The following MARCO variants were observed in gnomAD, a reference collection of about 807,000 sequenced individuals.
MARCO encodes macrophage receptor MARCO.
Under a neutral mutation model 70.0 loss-of-function variants are expected in MARCO, and 72 were observed. That is an observed-to-expected ratio of 1.03 (90% CI 0.85 to 1.25). The LOEUF (loss-of-function observed/expected upper bound fraction) is 1.25. Ranked by LOEUF, MARCO falls within the 50% of genes most tolerant of loss-of-function variation. The pLI is 0.00. For synonymous variants in MARCO, 273 were observed against 243.1 expected, an observed-to-expected ratio of 1.12 and a Z score of -1.14; for missense variants, 696 against 659.3, an observed-to-expected ratio of 1.06 and a Z score of -0.61.
chr2:118,957,021 A>G (rs57077980), intron 1 of MARCO, among the ~76,000 whole-genome samples: 19,474 of 152,072 alleles, frequency 0.13, 1,370 homozygotes, highest in South Asian at 0.27. Context: ...TCATACTCCT[A>G]AAGATCTACA....
At chr2:118,986,644 AGAAAGAAAGAAGGAAG>A (rs1353855353) in intron 12 of MARCO, among the ~76,000 whole-genome samples, 1 of 43,124 alleles carries the variant, frequency 2.3e-5, no homozygotes, top group African/African-American at 1.7e-4. Context: ...AAAGAAAGAA[AGAAAGAAAGAAGGAAG>A]GAAGGAAGGA....
rs761296627 is a variant in MARCO at position 118,977,884 on chromosome 2, C to T, written c.715C>T (p.Pro239Ser). The T allele has an allele frequency of 1.1e-5, 18 of 1,612,556 alleles. No homozygotes were observed. Among genetic ancestry groups the T allele is most frequent in the Non-Finnish European group, 1.5e-5 (18 of 1,179,438 alleles). ...CAAAGGCGATGGGGGTCTCATTGGC[C>T]CAAAAGGGGAAACTGGAACTAAGGG... is the stretch of plus-strand genomic sequence containing the variant. Reference protein sequence around the residue: ...GSKGDGGLIGPKGETGTKGEK... With the variant: ...GSKGDGGLIGSKGETGTKGEK... The change falls in exon 8 of 17, where the codon CCA becomes TCA. Residue 239 changes from proline (P) to serine (S), a missense_variant. Physicochemically the swap from Pro to Ser is moderately conservative, Grantham distance 74 (BLOSUM62 -1). Around this residue, in one of 3 missense-constraint regions of MARCO, gnomAD observed 605 missense variants for 537.6 expected, o/e 1.13. Transcript: ENST00000327097.
chr2:118,986,571 AGGG>A, intron 12 of MARCO, among the ~76,000 whole-genome samples: 1 of 107,336 alleles, frequency 9.3e-6, no homozygotes, highest in African/African-American at 4.8e-5. Flanking sequence ...GGAGGGAGGG[AGGG>A]AGGGAAGGAA....
chr2:118,960,746 T>A (rs145864072), intron 1 of MARCO, among the ~76,000 whole-genome samples: 2 of 152,304 alleles, frequency 1.3e-5, no homozygotes, highest in African/African-American at 4.8e-5. Context: ...TTTATTTCTA[T>A]TTTAAGTTCC....
chr2:118,967,419 C>A lies in MARCO; in HGVS notation c.98-1741C>A, dbSNP rs554184116. ...TGCAGCCATAGGAGAGCTGGCCAGA[C>A]GGGCTTCAGGTGCCAGGTTGGGAGC... On this transcript the variant is annotated intron_variant, in intron 1 of 16. Transcript: ENST00000327097. 1.4e-3 allele frequency among the ~76,000 whole-genome samples: 217 copies of A among 152,164 alleles called. 1 individual carries two copies. Among genetic ancestry groups the A allele is most frequent in the African/African-American group, 5.0e-3 (208 of 41,516 alleles).
Position 118,981,479 on chromosome 2 carries a change from A to G in MARCO, c.837A>G (p.Lys279=). 1.2e-6 allele frequency: 2 copies of G among 1,600,332 alleles called. No individual in the cohort carries two copies. Among genetic ancestry groups the G allele is most frequent in the South Asian group, 2.3e-5 (2 of 88,212 alleles). ...GGCCTCCTGGAGCCCAGGGGAGTAA[A>G]GGTGACTTCGGGAGGCCAGGCCCAC... ...VMGPPGAQGS[K]GDFGRPGPPG... is the part of the protein sequence containing the mutation. Residue 279 remains lysine (K), a synonymous_variant, in exon 9 of 17, where the codon AAA becomes AAG. Coordinates refer to ENST00000327097, the MANE Select transcript of MARCO (RefSeq NM_006770.4).
At position 118,981,431 on chromosome 2, in the gene MARCO, G is replaced by A. The variant is rs761681020; in HGVS notation, c.789G>A (p.Met263Ile). 6.2e-6 allele frequency: 10 copies of A among 1,600,274 alleles called. No individual in the cohort carries two copies. The South Asian group carries it at 9.1e-5, about 15-fold the overall frequency. The change falls in exon 9 of 17, where the codon ATG (methionine) becomes ATA (isoleucine). Residue 263 changes from methionine (M) to isoleucine (I), a missense_variant. Physicochemically the swap from Met to Ile is conservative, Grantham distance 10. Coordinates refer to ENST00000327097, the MANE Select transcript of MARCO (RefSeq NM_006770.4). ...CAGGAAGCAAAGGGGACAGGGGCATGAAAGGAGATGCAGGGGTCATGGGGC... is the reference window on the plus strand; with the variant it reads ...CAGGAAGCAAAGGGGACAGGGGCATAAAAGGAGATGCAGGGGTCATGGGGC... ...GLPGSKGDRG[M>I]KGDAGVMGPP...
Position 118,970,292 on chromosome 2 carries a change from C to T in MARCO, c.378C>T (p.Ser126=), listed in dbSNP as rs1276335255. The T allele has an allele frequency of 2.5e-6, 4 of 1,613,926 alleles. No homozygotes were observed. Among genetic ancestry groups the T allele is most frequent in the East Asian group, 2.2e-5 (1 of 44,870 alleles). The change falls in exon 3 of 17, where the codon AGC becomes AGT. Residue 126 remains serine (S), a synonymous_variant. Transcript: ENST00000327097. ...CCCAACTCACCTGGGTCCGCGTCAG[C>T]CATGAGCACTTGCTGCAGCGGGTAG... ...LQAQLTWVRV[S]HEHLLQRVDN...
At chr2:118,959,775 C>G (rs190605697) in intron 1 of MARCO, among the ~76,000 whole-genome samples, 1 of 152,260 alleles carries the variant, frequency 6.6e-6, no homozygotes, top group South Asian at 2.1e-4. Context: ...TGATGGAATA[C>G]TACTCAGCCA....
At chr2:118,977,335 A>G (rs1404776046) in intron 6 of MARCO, 136 bp from the exon 7 acceptor site, 5 of 714,040 alleles carry the variant, frequency 7.0e-6, no homozygotes, top group Non-Finnish European at 1.3e-5. Flanking sequence ...AGAGAGAGAG[A>G]GTGAGAGTGA....
chr2:118,964,487 G>A (rs1680006346), intron 1 of MARCO, among the ~76,000 whole-genome samples: 1 of 151,930 alleles, frequency 6.6e-6, no homozygotes, highest in Non-Finnish European at 1.5e-5. Flanking sequence ...ATTTTTATTG[G>A]CAATATAATT....
chr2:118,951,901 C>A (rs528969841), intron 1 of MARCO, among the ~76,000 whole-genome samples: 3 of 151,948 alleles, frequency 2.0e-5, no homozygotes, highest in Non-Finnish European at 4.4e-5. Context: ...CTTTCTTCCT[C>A]TTTCTCTTTG....
chr2:118,962,590 A>T (rs993506833), intron 1 of MARCO, among the ~76,000 whole-genome samples: 1 of 151,832 alleles, frequency 6.6e-6, no homozygotes, highest in Non-Finnish European at 1.5e-5. Context: ...TTTTTACTGG[A>T]CTATCTTTGA....
At chr2:118,993,645 G>A (rs1193700662) in intron 16 of MARCO, among the ~76,000 whole-genome samples, 1 of 152,204 alleles carries the variant, frequency 6.6e-6, no homozygotes, top group Non-Finnish European at 1.5e-5. Flanking sequence ...AGAACAGAGA[G>A]AAGATTCAGG....
chr2:118,958,334 A>G (rs1188820803), intron 1 of MARCO, among the ~76,000 whole-genome samples: 3 of 152,016 alleles, frequency 2.0e-5, no homozygotes, highest in Non-Finnish European at 2.9e-5. Flanking sequence ...ATGCAAATCA[A>G]TAGCTCTTCC....
In MARCO at chr2:118,994,502, C is replaced by A. The variant is rs565487618; in HGVS notation, c.1545C>A (p.Gly515=). 2 of 1,603,842 alleles carry A rather than the reference C, an allele frequency of 1.2e-6. No individual in the cohort carries two copies. The highest frequency in any genetic ancestry group is 1.3e-5 in the African/African-American group (1 of 74,612). Residue 515 remains glycine, a synonymous_variant, in exon 17 of 17, where the codon GGC becomes GGA. Transcript: ENST00000327097. ...HHDCSHEEDA[G]VECSV Reference sequence around the variant, plus strand: ...ACTGCAGCCACGAGGAGGACGCAGGCGTGGAGTGCAGCGTCTGACCCGGAA... The same window carrying A: ...ACTGCAGCCACGAGGAGGACGCAGGAGTGGAGTGCAGCGTCTGACCCGGAA...
At chr2:118,972,859 G>C (rs1486173795) in intron 4 of MARCO, among the ~76,000 whole-genome samples, 1 of 152,156 alleles carries the variant, frequency 6.6e-6, no homozygotes. Context: ...AATGGGTTCA[G>C]TACAACCTTC....
Position 118,982,251 on chromosome 2 carries a change from G to A in MARCO, c.997G>A (p.Ala333Thr). The A allele has an allele frequency of 6.2e-7, 1 of 1,612,778 alleles. No homozygotes were observed. Among genetic ancestry groups the A allele is most frequent in the Non-Finnish European group, 8.5e-7 (1 of 1,178,972 alleles). ...TGGCAGTGCTGGCTCCCCTGGGCGA[G>A]CAGGTGAGGTCCTGGGTCCTATGGT... ...EPGSAGSPGR[A>T]GLPGSPGSPG... The change falls in exon 11 of 17, where the codon GCA becomes ACA. Residue 333 changes from alanine to threonine, a missense_variant. Physicochemically the swap from Ala to Thr is moderately conservative, Grantham distance 58. Around this residue, in one of 3 missense-constraint regions of MARCO, gnomAD observed 605 missense variants for 537.6 expected, o/e 1.13. Coordinates refer to ENST00000327097, the MANE Select transcript of MARCO (RefSeq NM_006770.4).
chr2:118,977,547 G>A (rs751189864), intron 7 of MARCO, 32 bp downstream of exon 7: 3 of 1,603,436 alleles, frequency 1.9e-6, no homozygotes, highest in Non-Finnish European at 1.7e-6. Context: ...AGGGACAAAT[G>A]ATGCATAGCC....
Sources: gnomAD v4.1 joint callset for allele counts (sites outside exome capture counted in the v4.1 genomes callset) on GRCh38, gnomAD v4.1.1 for gene constraint, gnomAD v4.1.1 regional missense constraint, MANE v1.5 for transcripts, NCBI Gene and HGNC (gene_info 2026-07-23, HGNC 2026-07-21) for gene names.